Variants in PARP4 observed in about 807,000 individuals in gnomAD.
PARP4 encodes protein mono-ADP-ribosyltransferase PARP4.
PARP4 carries 120 observed loss-of-function variants against 187.7 expected under a neutral mutation model. That is an observed-to-expected ratio of 0.64 (90% CI 0.55 to 0.74). The LOEUF is 0.74. Ranked by LOEUF, PARP4 falls within the 30% of genes least tolerant of loss-of-function variation. The pLI, the probability that PARP4 is intolerant of heterozygous loss-of-function variation, is 0.00. For synonymous variants in PARP4, 654 were observed against 740.9 expected, an observed-to-expected ratio of 0.88 and a Z score of 1.90; for missense variants, 1,836 against 2,070.5, an observed-to-expected ratio of 0.89 and a Z score of 2.20.
intron 27 of PARP4, 137 bp downstream of exon 27, chr13:24,446,544 T>C: frequency 1.6e-6 from 1 of 625,354 alleles, no homozygotes; most frequent in Non-Finnish European, 2.8e-6. Context: ...TTAAGAAAGT[T>C]TACGAATTTG....
intron 15 of PARP4, among the ~76,000 whole-genome samples, chr13:24,470,324 T>C (rs1478526100): frequency 6.6e-6 from 1 of 152,180 alleles, no homozygotes; most frequent in African/African-American, 2.4e-5. Context: ...AGCTGGAAAA[T>C]TGCCCCTTTC....
intron 17 of PARP4, among the ~76,000 whole-genome samples, chr13:24,466,605 G>A (rs146147850): frequency 0.017 from 2,562 of 152,008 alleles, 24 homozygotes; most frequent in Non-Finnish European, 0.024. Flanking sequence ...GACCAGCCTG[G>A]CCAACATGGT....
At chr13:24,501,536 T>A in intron 3 of PARP4, 97 bp downstream of exon 3, 1 of 801,376 alleles carries the variant, frequency 1.2e-6, no homozygotes. Context: ...TTTTTTTTAG[T>A]ATTTCTGGAC....
chr13:24,509,503 CAAAA>C (rs753520993), intron 1 of PARP4, among the ~76,000 whole-genome samples: 1 of 107,510 alleles, frequency 9.3e-6, no homozygotes, highest in Admixed American at 9.5e-5. Context: ...GACCCTATCT[CAAAA>C]AAAAAAAAAG....
intron 17 of PARP4, 69 bp downstream of exon 17, chr13:24,468,955 G>T: frequency 9.1e-7 from 1 of 1,097,502 alleles, no homozygotes; most frequent in Non-Finnish European, 1.4e-6. Flanking sequence ...CATGAAATTC[G>T]TATTTCATAT....
chr13:24,480,280 C>G (rs1873208071), intron 12 of PARP4, among the ~76,000 whole-genome samples: 1 of 152,196 alleles, frequency 6.6e-6, no homozygotes, highest in Non-Finnish European at 1.5e-5. Flanking sequence ...CTCCACTGAC[C>G]AGTGGTTCCC....
Sources: gnomAD v4.1 joint callset for allele counts (sites outside exome capture counted in the v4.1 genomes callset) on GRCh38, gnomAD v4.1.1 for gene constraint, MANE v1.5 for transcripts, NCBI Gene and HGNC (gene_info 2026-07-23, HGNC 2026-07-21) for gene names.